Variants in HPSE2 observed in about 807,000 individuals in gnomAD.
The protein encoded by HPSE2 is inactive heparanase-2.
Under a neutral mutation model 60.5 loss-of-function variants are expected in HPSE2, and 38 were observed. That is an observed-to-expected ratio of 0.63 (90% CI 0.48 to 0.82). The LOEUF is 0.82. Ranked by LOEUF, HPSE2 falls within the 40% of genes least tolerant of loss-of-function variation. The pLI, the probability that HPSE2 is intolerant of heterozygous loss-of-function variation, is 0.00. For missense variants in HPSE2, 713 were observed against 740.4 expected, an observed-to-expected ratio of 0.96 and a Z score of 0.43; for synonymous variants, 295 against 293.2, an observed-to-expected ratio of 1.01 and a Z score of -0.06.
At chr10:99,219,069 T>A (rs1849227467) in intron 2 of HPSE2, among the ~76,000 whole-genome samples, 1 of 152,234 alleles carries the variant, frequency 6.6e-6, no homozygotes, top group South Asian at 2.1e-4. Context: ...CAAGTTATAT[T>A]TCCACTCCTC....
At chr10:99,272,761 AATAAAAAAAT>A in the HPSE2 span, among the ~76,000 whole-genome samples, 4 of 152,170 alleles carry the variant, frequency 2.6e-5, no homozygotes, top group African/African-American at 9.7e-5. Flanking sequence ...AATAAAAAAA[AATAAAAAAAT>A]AATAGATGTT....
chr10:98,662,395 G>T (rs569851830), intron 6 of HPSE2, among the ~76,000 whole-genome samples: 10 of 152,308 alleles, frequency 6.6e-5, no homozygotes, highest in South Asian at 4.1e-4. Flanking sequence ...ATGAGATTAT[G>T]TCCTTTACAG....
Position 99,100,536 on chromosome 10 carries a change from G to A in HPSE2, c.610+43702C>T, listed in dbSNP as rs368635860. Among the ~76,000 whole-genome samples, 5 of 152,254 alleles carry A rather than the reference G, an allele frequency of 3.3e-5. No individual in the cohort carries two copies. The East Asian group carries it at 5.8e-4, about 18-fold the overall frequency. On this transcript the variant is annotated intron_variant, in intron 3 of 11. Transcript: ENST00000370552. ...TCTGACTGGTGTACCTGAAAGTGAC[G>A]GGGAGAACGGAACCAAGTTGGAAAA...
intron 2 of HPSE2, among the ~76,000 whole-genome samples, chr10:99,210,088 G>T (rs908521704): frequency 2.0e-5 from 3 of 152,068 alleles, no homozygotes; most frequent in African/African-American, 7.2e-5. Context: ...TGAAACAGGA[G>T]GCATTACAAC....
intron 3 of HPSE2, among the ~76,000 whole-genome samples, chr10:98,809,999 A>G (rs1951132132): frequency 6.6e-6 from 1 of 152,114 alleles, no homozygotes; most frequent in Non-Finnish European, 1.5e-5. Context: ...CCAAATTCAT[A>G]ATTTTTTGTA....
intron 3 of HPSE2, among the ~76,000 whole-genome samples, chr10:98,860,303 T>C (rs993823060): frequency 1.3e-5 from 2 of 152,216 alleles, no homozygotes; most frequent in Admixed American, 6.5e-5. Context: ...CCAAAGTCTA[T>C]GCCTTGAATT....
At chr10:98,605,358 A>G (rs1047427281) in intron 9 of HPSE2, among the ~76,000 whole-genome samples, 1 of 152,338 alleles carries the variant, frequency 6.6e-6, no homozygotes, top group East Asian at 1.9e-4. Flanking sequence ...ACATGGAGAG[A>G]AGGAATCTAA....
At chr10:98,472,023 C>T (rs1940799757) in intron 11 of HPSE2, among the ~76,000 whole-genome samples, 1 of 152,028 alleles carries the variant, frequency 6.6e-6, no homozygotes, top group African/African-American at 2.4e-5. Flanking sequence ...TTGGTTATAG[C>T]TACTATCTCT....
At chr10:98,605,527 C>T (rs188076470) in intron 9 of HPSE2, among the ~76,000 whole-genome samples, 12 of 152,274 alleles carry the variant, frequency 7.9e-5, no homozygotes, top group East Asian at 5.8e-4. Context: ...CTGCCATTCT[C>T]GTTTCAAAGT....
At chr10:98,710,205 A>C (rs540659403) in intron 5 of HPSE2, among the ~76,000 whole-genome samples, 15 of 152,248 alleles carry the variant, frequency 9.9e-5, no homozygotes, top group Admixed American at 3.9e-4. Context: ...TGGGTGCTAC[A>C]TAGAAGAAAT....
chr10:98,934,746 TTA>T (rs1197378245), intron 3 of HPSE2, among the ~76,000 whole-genome samples: 1 of 143,698 alleles, frequency 7.0e-6, no homozygotes, highest in Non-Finnish European at 1.5e-5. Context: ...AATCTGATGA[TTA>T]TGTGCCTTGG....
At chr10:98,660,876 T>C (rs1947205135) in intron 6 of HPSE2, among the ~76,000 whole-genome samples, 4 of 152,238 alleles carry the variant, frequency 2.6e-5, no homozygotes, top group Admixed American at 2.6e-4. Context: ...CCTTTTCATC[T>C]ACACTCTCAG....
At chr10:98,683,214 T>C (rs1353751634) in intron 6 of HPSE2, among the ~76,000 whole-genome samples, 2 of 152,150 alleles carry the variant, frequency 1.3e-5, no homozygotes, top group Non-Finnish European at 2.9e-5. Context: ...AATCACCTTT[T>C]TATGTCTCTC....
intron 3 of HPSE2, among the ~76,000 whole-genome samples, chr10:99,069,494 TG>T (rs1424909803): frequency 4.6e-5 from 7 of 151,818 alleles, no homozygotes; most frequent in African/African-American, 1.7e-4. Flanking sequence ...ATTACATCTA[TG>T]GAAAAGAAGT....
upstream of HPSE2, among the ~76,000 whole-genome samples, chr10:99,240,412 T>C (rs1589858160): frequency 6.7e-6 from 1 of 148,566 alleles, no homozygotes; most frequent in Non-Finnish European, 1.5e-5. Flanking sequence ...TGATTTTCTT[T>C]TTTTTTTTTT....
At chr10:98,642,763 G>A (rs1046087751) in intron 6 of HPSE2, among the ~76,000 whole-genome samples, 1 of 152,128 alleles carries the variant, frequency 6.6e-6, no homozygotes, top group Non-Finnish European at 1.5e-5. Flanking sequence ...CGTTACCTCA[G>A]ACCTTCCCTT....
At chr10:98,679,945 A>T (rs927677710) in intron 6 of HPSE2, among the ~76,000 whole-genome samples, 3 of 152,122 alleles carry the variant, frequency 2.0e-5, no homozygotes, top group African/African-American at 7.2e-5. Context: ...AAAGTGCTGG[A>T]ATTACAGGCA....
chr10:98,535,801 G>A (rs1337900241), intron 9 of HPSE2, among the ~76,000 whole-genome samples: 1 of 152,042 alleles, frequency 6.6e-6, no homozygotes, highest in Non-Finnish European at 1.5e-5. Context: ...CTCTTCATTA[G>A]ACCTTTCCAG....
chr10:98,586,143 T>C (rs1308722429), intron 9 of HPSE2, among the ~76,000 whole-genome samples: 1 of 152,148 alleles, frequency 6.6e-6, no homozygotes, highest in African/African-American at 2.4e-5. Flanking sequence ...ATTAGGAAAT[T>C]GTAAAAAGTA....
Sources: allele counts gnomAD v4.1 joint callset (sites outside exome capture counted in the v4.1 genomes callset), GRCh38; gene constraint gnomAD v4.1.1; transcripts MANE v1.5; gene names NCBI Gene and HGNC (gene_info 2026-07-23, HGNC 2026-07-21).